MR1: variants seen among roughly 807,000 people sequenced by gnomAD.
The protein encoded by MR1 is major histocompatibility complex, class I-related.
A neutral mutation model predicts 37.8 loss-of-function variants in MR1; 44 were observed. The observed-to-expected ratio is 1.16, with a 90% CI of 0.91 to 1.50. The LOEUF (loss-of-function observed/expected upper bound fraction) is 1.50, where lower values mean the gene tolerates loss of function less well. MR1 is among the 40% of genes most tolerant of loss of function. The pLI is 0.00. For missense variants in MR1, 386 were observed against 419.1 expected, an observed-to-expected ratio of 0.92 and a Z score of 0.69; for synonymous variants, 153 against 155.8, an observed-to-expected ratio of 0.98 and a Z score of 0.13.
chr1:181,037,371 T>C (rs1657332126), intron 1 of MR1, among the ~76,000 whole-genome samples: 1 of 152,252 alleles, frequency 6.6e-6, no homozygotes, highest in Non-Finnish European at 1.5e-5. Flanking sequence ...TCCATGGAGC[T>C]GTTGCCAAGG....
rs1356372862 is a variant in MR1 at position 181,055,161 on chromosome 1, T to A, written c.986-64T>A. 3 of 1,498,730 alleles carry A rather than the reference T, an allele frequency of 2.0e-6. No individual in the cohort carries two copies. The African/African-American group carries it at 4.1e-5, about 21-fold the overall frequency. The allele number at this position is 1,498,730 out of a possible 1,614,324, so 92.8% of individuals were successfully genotyped here. ...TTCTCAGATTTTGCTGAACACTGCATACTTTATTTTTGAGCTGTGAGGAAA... is the reference window on the plus strand; with the variant it reads ...TTCTCAGATTTTGCTGAACACTGCAAACTTTATTTTTGAGCTGTGAGGAAA... On this transcript the variant is annotated intron_variant, in intron 5 of 5. Transcript: ENST00000367580.
At chr1:181,047,379 T>C (rs1025304886) in intron 1 of MR1, among the ~76,000 whole-genome samples, 5 of 151,884 alleles carry the variant, frequency 3.3e-5, no homozygotes, top group African/African-American at 7.3e-5. Flanking sequence ...GGTGGGCAGA[T>C]CATGAGGTCA....
rs374058985 is a variant in MR1, at chr1:181,049,195, T to C, written c.211T>C (p.Trp71Arg). The stretch of plus-strand genomic sequence containing the variant: ...TCGGCAGAAGGAGCCACGGGCCCCA[T>C]GGATGGCAGAGAACCTCGCGCCTGA... ...VTRQKEPRAP[W>R]MAENLAPDHW... The change falls in exon 2 of 6, where the codon TGG (tryptophan) becomes CGG (arginine). Residue 71 changes from tryptophan (W) to arginine (R), a missense_variant. By Grantham distance (101) the Trp-to-Arg change is moderately radical (BLOSUM62 -3). Coordinates refer to ENST00000367580, the MANE Select transcript of MR1 (RefSeq NM_001385161.1). The C allele has an allele frequency of 2.9e-5, 47 of 1,614,094 alleles. No individual in the cohort carries two copies. Among genetic ancestry groups the C allele is most frequent in the Non-Finnish European group, 3.9e-5 (46 of 1,180,034 alleles).
At chr1:181,033,912 C>T, upstream of MR1, 3 of 974,240 alleles carry the variant, frequency 3.1e-6, no homozygotes, top group South Asian at 1.7e-5. Context: ...CATATCTTCC[C>T]CTGTTCTTAT....
intron 1 of MR1, among the ~76,000 whole-genome samples, chr1:181,047,920 ATAAAT>A (rs1313261369): frequency 6.6e-6 from 1 of 150,456 alleles, no homozygotes; most frequent in Admixed American, 6.6e-5. Flanking sequence ...AAAATAAAAA[ATAAAT>A]AAAATAAATA....
rs1261584084 is a variant in MR1, at chr1:181,058,288, G to A, written c.*3023G>A. On this transcript the variant is annotated 3_prime_UTR_variant, in exon 6 of 6. Coordinates refer to ENST00000367580, the MANE Select transcript of MR1 (RefSeq NM_001385161.1). ...ATTTTGGATCAAGAACACTAGATGA[G>A]AAACCTGTTCAACTCTGTTCTTTTT... is the stretch of plus-strand genomic sequence containing the variant. 6.6e-6 allele frequency: 1 copy of A among 151,118 alleles called. No homozygotes were observed. The highest frequency in any genetic ancestry group is 2.4e-5 in the African/African-American group (1 of 41,032). 9.4% of individuals were successfully genotyped at this position (151,118 alleles called of 1,614,324 possible).
At chr1:181,047,617 G>C (rs1452725642) in intron 1 of MR1, among the ~76,000 whole-genome samples, 1 of 144,112 alleles carries the variant, frequency 6.9e-6, no homozygotes, top group African/African-American at 2.6e-5. Context: ...AAATAAATAG[G>C]CTGGGCACGG....
intron 5 of MR1, among the ~76,000 whole-genome samples, chr1:181,054,418 C>T (rs764977360): frequency 2.0e-5 from 3 of 152,122 alleles, no homozygotes; most frequent in Non-Finnish European, 4.4e-5. Context: ...AGGATAGTAC[C>T]GATGAGACCA....
At chr1:181,044,403 T>C (rs1442050612) in intron 1 of MR1, among the ~76,000 whole-genome samples, 3 of 152,156 alleles carry the variant, frequency 2.0e-5, no homozygotes, top group Non-Finnish European at 4.4e-5. Context: ...CTAAAGGTGA[T>C]GGCAGCAGCA....
chr1:181,041,081 C>CAATAAATAAATA (rs56248336), intron 1 of MR1, among the ~76,000 whole-genome samples: 23 of 146,586 alleles, frequency 1.6e-4, no homozygotes, highest in South Asian at 6.7e-4. Flanking sequence ...GACTCTGTCT[C>CAATAAATAAATA]AATAAATAAA....
chr1:181,045,019 G>A (rs1010732065), intron 1 of MR1, among the ~76,000 whole-genome samples: 2 of 152,156 alleles, frequency 1.3e-5, no homozygotes, highest in East Asian at 3.9e-4. Flanking sequence ...CTTGGTCTTC[G>A]AAGCCATACA....
intron 2 of MR1, chr1:181,049,809 G>A: frequency 1.7e-6 from 1 of 598,984 alleles, no homozygotes; most frequent in South Asian, 2.1e-5. Context: ...TCCTTTGACA[G>A]GCAGTAGGTA....
chr1:181,041,573 C>T (rs1657555482), intron 1 of MR1, among the ~76,000 whole-genome samples: 1 of 152,150 alleles, frequency 6.6e-6, no homozygotes, highest in Non-Finnish European at 1.5e-5. Flanking sequence ...TTCTTTTCCC[C>T]TCACTCCCTC....
upstream of MR1, chr1:181,033,826 G>T: frequency 3.6e-6 from 2 of 549,688 alleles, no homozygotes; most frequent in Non-Finnish European, 3.2e-6. Context: ...AACCAGCAAA[G>T]ACTTAAAAGT....
intron 5 of MR1, among the ~76,000 whole-genome samples, chr1:181,054,533 G>A (rs1382192296): frequency 1.3e-5 from 2 of 152,154 alleles, no homozygotes; most frequent in East Asian, 1.9e-4. Context: ...TTAGATCAAA[G>A]TAAAACCAAC....
intron 1 of MR1, among the ~76,000 whole-genome samples, chr1:181,046,773 A>G (rs1657902722): frequency 1.3e-5 from 2 of 152,078 alleles, no homozygotes; most frequent in African/African-American, 4.8e-5. Flanking sequence ...TGTGACACTC[A>G]TGGCGAAGGT....
chr1:181,050,149 A>G lies in MR1; in HGVS notation c.467A>G (p.Asn156Ser). 6.2e-7 allele frequency: 1 copy of G among 1,614,252 alleles called. No individual in the cohort carries two copies. The highest frequency in any genetic ancestry group is 1.1e-5 in the South Asian group (1 of 91,086). The stretch of plus-strand genomic sequence containing the variant: ...ACCCTCTCCTGGCTGGCTGTAGATA[A>G]TGTGGCTCACACCATCAAGCAGGCA... ...KDTLSWLAVD[N>S]VAHTIKQAWE... The change falls in exon 3 of 6, where the codon AAT (asparagine) becomes AGT (serine). Residue 156 changes from asparagine (N) to serine (S), a missense_variant. By Grantham distance (46) the Asn-to-Ser change is conservative. Transcript: ENST00000367580.
intron 3 of MR1, chr1:181,051,371 T>G (rs1431263269): frequency 6.6e-6 from 1 of 152,246 alleles, no homozygotes; most frequent in East Asian, 1.9e-4. Context: ...TATTTTACTT[T>G]TAATGTTGGA....
At chr1:181,039,456 C>G (rs1309951518) in intron 1 of MR1, among the ~76,000 whole-genome samples, 1 of 152,196 alleles carries the variant, frequency 6.6e-6, no homozygotes, top group Non-Finnish European at 1.5e-5. Flanking sequence ...TTGTTATGTG[C>G]TTTAGCTCCC....
Sources: allele counts gnomAD v4.1 joint callset (sites outside exome capture counted in the v4.1 genomes callset), GRCh38; gene constraint gnomAD v4.1.1; transcripts MANE v1.5; gene names NCBI Gene and HGNC (gene_info 2026-07-23, HGNC 2026-07-21).